The following FRMPD4 variants were observed in gnomAD, a reference collection of about 807,000 sequenced individuals.
FRMPD4 encodes FERM and PDZ domain-containing protein 4.
Under a neutral mutation model 94.1 loss-of-function variants are expected in FRMPD4, and 22 were observed. That is an observed-to-expected ratio of 0.23 (90% CI 0.17 to 0.33). The LOEUF (loss-of-function observed/expected upper bound fraction) is 0.33. FRMPD4 is among the 10% of genes least tolerant of loss of function. The pLI is 1.00. For missense variants in FRMPD4, 1,111 were observed against 1,339.9 expected (o/e 0.83, Z 2.67); for synonymous variants, 631 against 548.6 (o/e 1.15, Z -2.10).
intron 1 of FRMPD4, among the ~76,000 whole-genome samples, chrX:12,181,067 A>G (rs1191656007): frequency 8.9e-6 from 1 of 111,734 alleles, no homozygotes; most frequent in Non-Finnish European, 1.9e-5. Flanking sequence ...ATTGTAGTTC[A>G]CAGTGGGGGT....
intron 1 of FRMPD4, among the ~76,000 whole-genome samples, chrX:12,426,703 A>G (rs746328432): frequency 9.0e-6 from 1 of 111,464 alleles, no homozygotes; most frequent in Admixed American, 9.5e-5. Flanking sequence ...CTGCCCTTCC[A>G]TAATCACAGA....
intron 1 of FRMPD4, among the ~76,000 whole-genome samples, chrX:12,317,591 AAAAAAAAAAAAACAAAAAAAAC>A (rs1366323881): frequency 1.9e-5 from 2 of 107,523 alleles, no homozygotes; most frequent in African/African-American, 7.0e-5. Context: ...ATAGCAAAAA[AAAAAAAAAAAAACAAAAAAAAC>A]AAAAACCCAA....
chrX:12,638,708 C>G (rs185912034), intron 4 of FRMPD4, among the ~76,000 whole-genome samples: 25 of 108,113 alleles, frequency 2.3e-4, no homozygotes, highest in Non-Finnish European at 4.6e-4. Context: ...CCTCTTAGCT[C>G]TCTTTGCTCT....
At chrX:12,311,962 T>C (rs2055037375) in intron 1 of FRMPD4, among the ~76,000 whole-genome samples, 1 of 111,323 alleles carries the variant, frequency 9.0e-6, no homozygotes, top group Non-Finnish European at 1.9e-5. Flanking sequence ...TTATCAGATC[T>C]TACGTCTTCA....
At chrX:11,931,622 G>A (rs1352805548) in intron 3 of FRMPD4, among the ~76,000 whole-genome samples, 1 of 112,279 alleles carries the variant, frequency 8.9e-6, no homozygotes, top group Non-Finnish European at 1.9e-5. Context: ...GTCCGAAATT[G>A]GGACAGACTT....
chrX:11,868,281 C>A (rs2053733656), intron 2 of FRMPD4, among the ~76,000 whole-genome samples: 1 of 111,574 alleles, frequency 9.0e-6, no homozygotes, highest in Non-Finnish European at 1.9e-5. Context: ...GGCAGAGATA[C>A]TGTGTTAGGA....
chrX:12,231,009 A>ATAGTATGT (rs1458353727), intron 1 of FRMPD4, among the ~76,000 whole-genome samples: 7 of 45,856 alleles, frequency 1.5e-4, no homozygotes, highest in South Asian at 1.0e-3. Context: ...TATAATATAT[A>ATAGTATGT]GTATATATAG....
At chrX:12,317,093 G>A (rs2055129358) in intron 1 of FRMPD4, among the ~76,000 whole-genome samples, 1 of 111,927 alleles carries the variant, frequency 8.9e-6, no homozygotes, top group South Asian at 3.7e-4. Flanking sequence ...TGGATTTCAA[G>A]TAAATGGCAA....
intron 1 of FRMPD4, among the ~76,000 whole-genome samples, chrX:12,484,480 T>C (rs181828514): frequency 0.011 from 1,245 of 112,410 alleles, 4 homozygotes; most frequent in Non-Finnish European, 0.018. Flanking sequence ...TTATGGAGCC[T>C]CTTGCAAAAT....
chrX:12,071,945 G>A (rs1472450406), intron 3 of FRMPD4, among the ~76,000 whole-genome samples: 1 of 111,461 alleles, frequency 9.0e-6, no homozygotes, highest in Non-Finnish European at 1.9e-5. Context: ...ATGGTCTAAA[G>A]TTTACCACGT....
chrX:11,954,265 A>C (rs965748753), intron 3 of FRMPD4, among the ~76,000 whole-genome samples: 1 of 112,452 alleles, frequency 8.9e-6, no homozygotes, highest in Non-Finnish European at 1.9e-5. Context: ...CATAACAGAG[A>C]TTTAAAAAAA....
chrX:12,513,757 G>T (rs1232484159), intron 2 of FRMPD4, among the ~76,000 whole-genome samples: 2 of 112,026 alleles, frequency 1.8e-5, no homozygotes, highest in African/African-American at 6.5e-5. Context: ...TGTGAAGAAT[G>T]TCAATGGTAG....
intron 4 of FRMPD4, among the ~76,000 whole-genome samples, chrX:12,671,210 T>A (rs2059838678): frequency 9.0e-6 from 1 of 111,596 alleles, no homozygotes; most frequent in Non-Finnish European, 1.9e-5. Flanking sequence ...AGAAATACCA[T>A]TTGACCCAGC....
intron 2 of FRMPD4, among the ~76,000 whole-genome samples, chrX:12,603,121 A>C (rs1192126816): frequency 9.0e-6 from 1 of 111,633 alleles, no homozygotes; most frequent in Admixed American, 9.5e-5. Flanking sequence ...ACCTAACACC[A>C]ACGATGACCT....
At chrX:12,500,897 A>C (rs956591203) in intron 2 of FRMPD4, among the ~76,000 whole-genome samples, 2 of 112,450 alleles carry the variant, frequency 1.8e-5, no homozygotes, top group African/African-American at 6.5e-5. Flanking sequence ...AAAACAATAA[A>C]AATTTTGGGC....
intron 1 of FRMPD4, among the ~76,000 whole-genome samples, chrX:12,328,915 C>A (rs1297882492): frequency 9.0e-6 from 1 of 111,713 alleles, no homozygotes; most frequent in Non-Finnish European, 1.9e-5. Context: ...GGAGAGCTTT[C>A]CATTTGGCCC....
At chrX:11,860,121 A>G (rs1461402937) in intron 1 of FRMPD4, among the ~76,000 whole-genome samples, 2 of 112,699 alleles carry the variant, frequency 1.8e-5, no homozygotes, top group Non-Finnish European at 3.7e-5. Flanking sequence ...ATTAAGATGC[A>G]TTTGCTGGAG....
chrX:12,126,433 A>C (rs747846510), intron 3 of FRMPD4, among the ~76,000 whole-genome samples: 1 of 111,813 alleles, frequency 8.9e-6, no homozygotes, highest in South Asian at 3.8e-4. Flanking sequence ...GAGAGAACTT[A>C]TGAGAGGTAG....
intron 2 of FRMPD4, among the ~76,000 whole-genome samples, chrX:12,590,313 A>C (rs2058970506): frequency 8.9e-6 from 1 of 112,390 alleles, no homozygotes; most frequent in Non-Finnish European, 1.9e-5. Flanking sequence ...TGCCTTAAAA[A>C]TATTTTCTAA....
Sources: gnomAD v4.1 joint callset for allele counts (sites outside exome capture counted in the v4.1 genomes callset) on GRCh38, gnomAD v4.1.1 for gene constraint, MANE v1.5 for transcripts, NCBI Gene and HGNC (gene_info 2026-07-23, HGNC 2026-07-21) for gene names.